GFM1: variants seen among roughly 807,000 people sequenced by gnomAD.
GFM1 encodes elongation factor G, mitochondrial.
GFM1 carries 62 observed loss-of-function variants against 96.2 expected under a neutral mutation model. The ratio of observed to expected loss-of-function variants is 0.64; its 90% CI spans 0.53 to 0.80. The LOEUF is 0.80. Ranked by LOEUF, GFM1 falls within the 30% of genes least tolerant of loss-of-function variation. GFM1 has a pLI of 0.00. For missense variants in GFM1, 852 were observed against 916.6 expected, an observed-to-expected ratio of 0.93 and a Z score of 0.91; for synonymous variants, 282 against 312.9, an observed-to-expected ratio of 0.90 and a Z score of 1.04.
chr3:158,684,368 T>G (rs1459442024), intron 14 of GFM1, among the ~76,000 whole-genome samples, 156 bp from the exon 15 acceptor site: 2 of 152,074 alleles, frequency 1.3e-5, no homozygotes, highest in African/African-American at 2.4e-5. Context: ...AAAAAAATAG[T>G]AAAGTTGTTA....
chr3:158,646,914 G>A lies in GFM1; in HGVS notation c.539G>A (p.Gly180Asp). The change falls in exon 4 of 18, where the codon GGC becomes GAC. Residue 180 changes from glycine to aspartate, a missense_variant. By Grantham distance (94) the Gly-to-Asp change is moderately conservative (BLOSUM62 -1). Coordinates refer to ENST00000486715, the MANE Select transcript of GFM1 (RefSeq NM_024996.7). ...LTFINKLDRM[G>D]SNPARALQQM... ...TTTATTAACAAATTGGACCGAATGG[G>A]CTCCAACCCAGCCAGGGCCCTGCAG... is the stretch of plus-strand genomic sequence containing the variant. 1 of 1,613,968 alleles carries A rather than the reference G, an allele frequency of 6.2e-7. No homozygotes were observed. The highest frequency in any genetic ancestry group is 8.5e-7 in the Non-Finnish European group (1 of 1,179,980).
chr3:158,685,152 C>T (rs1725737129), intron 15 of GFM1: 1 of 156,258 alleles, frequency 6.4e-6, no homozygotes, highest in South Asian at 1.9e-4. Context: ...AGATTTCTTG[C>T]AAAACTGCTA....
Position 158,691,795 on chromosome 3 carries a change from G to A in GFM1, c.*328G>A, listed in dbSNP as rs1218976904. The A allele has an allele frequency of 9.3e-6, 2 of 215,532 alleles. No individual in the cohort carries two copies. The highest frequency in any genetic ancestry group is 5.3e-5 in the Admixed American group (1 of 18,698). The allele number at this position is 215,532 out of a possible 1,614,324, so 13.4% of individuals were successfully genotyped here. A position where few individuals can be genotyped will look rare whatever the true frequency, so the allele number is the denominator to read the frequency against. On this transcript the variant is annotated 3_prime_UTR_variant, in exon 18 of 18. Transcript: ENST00000486715. The stretch of plus-strand genomic sequence containing the variant: ...TTATACTTTTAAGCTTAGAATGTAT[G>A]TTCATTTCCAAATTTTGTATCATAA...
At chr3:158,658,229 C>T (rs962847875) in intron 8 of GFM1, among the ~76,000 whole-genome samples, 1 of 133,634 alleles carries the variant, frequency 7.5e-6, no homozygotes. Flanking sequence ...TGCAGTGGTG[C>T]GATCTCGGCT....
intron 8 of GFM1, chr3:158,655,865 A>G (rs1261771460): frequency 2.2e-6 from 1 of 457,266 alleles, no homozygotes; most frequent in African/African-American, 2.0e-5. Context: ...GCCCATCCAG[A>G]GGACCACGTT....
chr3:158,665,399 A>G lies in GFM1; in HGVS notation c.1443A>G (p.Lys481=), dbSNP rs907335869. The G allele has an allele frequency of 1.2e-6, 2 of 1,609,958 alleles. No individual in the cohort carries two copies. The highest frequency in any genetic ancestry group is 3.3e-5 in the Admixed American group (2 of 60,004). ...GRFTREDPTF[K]VYFDTENKET... ...TTACAAGAGAAGATCCCACATTTAA[A>G]GTATACTTTGACACTGAGAACAAAG... The change falls in exon 12 of 18, where the codon AAA becomes AAG. Residue 481 remains lysine, a synonymous_variant. Coordinates refer to ENST00000486715, the MANE Select transcript of GFM1 (RefSeq NM_024996.7).
chr3:158,666,780 C>G, intron 13 of GFM1: 1 of 1,576,682 alleles, frequency 6.3e-7, no homozygotes, highest in Non-Finnish European at 8.7e-7. Flanking sequence ...TGATAAAATT[C>G]AGAAAACATT....
chr3:158,684,395 T>G (rs767696885), intron 14 of GFM1, 129 bp from the exon 15 acceptor site: 2 of 874,632 alleles, frequency 2.3e-6, no homozygotes, highest in Non-Finnish European at 3.6e-6. Context: ...TTTAAAAAAT[T>G]ATTTTTGAGG....
At chr3:158,672,524 G>A (rs1724441370) in intron 13 of GFM1, 1 of 1,609,440 alleles carries the variant, frequency 6.2e-7, no homozygotes, top group Admixed American at 1.7e-5. Context: ...CTGGCTTAAC[G>A]GGACCAGTAG....
intron 13 of GFM1, chr3:158,669,720 T>A: frequency 9.4e-7 from 1 of 1,059,038 alleles, no homozygotes; most frequent in Non-Finnish European, 1.4e-6. Flanking sequence ...TGTTTTAGAC[T>A]AGACTTCAAA....
chr3:158,654,458 T>G (rs1049324286), intron 7 of GFM1, 89 bp from the exon 8 acceptor site: 14 of 836,540 alleles, frequency 1.7e-5, no homozygotes, highest in Admixed American at 8.4e-5. Flanking sequence ...ACGTGCTTTT[T>G]CTCAGATAAT....
In GFM1 at chr3:158,682,161, A is replaced by C. The variant is rs773446271; in HGVS notation, c.1764+4A>C. ...GTTTGTGCCTGCTGTAGAAAAGGTA[A>C]ATTTTTAAAAAAGTGTTTTTGCATT... On this transcript the variant is annotated splice_donor_region_variant and intron_variant, in intron 14 of 17. Coordinates refer to ENST00000486715, the MANE Select transcript of GFM1 (RefSeq NM_024996.7). 6.2e-7 allele frequency: 1 copy of C among 1,610,816 alleles called. No homozygotes were observed. The highest frequency in any genetic ancestry group is 8.5e-7 in the Non-Finnish European group (1 of 1,178,004).
chr3:158,666,274 T>A (rs746941379), intron 12 of GFM1, 30 bp from the exon 13 acceptor site: 1 of 1,532,348 alleles, frequency 6.5e-7, no homozygotes, highest in Non-Finnish European at 9.0e-7. Flanking sequence ...TTTTTTTAAA[T>A]TTAAATAATA....
At chr3:158,670,382 ATGAT>A (rs1182663183) in intron 13 of GFM1, among the ~76,000 whole-genome samples, 1 of 152,276 alleles carries the variant, frequency 6.6e-6, no homozygotes, top group African/African-American at 2.4e-5. Context: ...CGTTAAGAAG[ATGAT>A]TGATTGGGGA....
intron 7 of GFM1, 52 bp downstream of exon 7, chr3:158,653,519 T>A: frequency 7.4e-7 from 1 of 1,343,190 alleles, no homozygotes; most frequent in East Asian, 2.3e-5. Context: ...TTCGTATTTA[T>A]GCACTGTGAA....
At chr3:158,680,744 A>G (rs1372657714) in intron 13 of GFM1, among the ~76,000 whole-genome samples, 2 of 152,134 alleles carry the variant, frequency 1.3e-5, no homozygotes, top group Non-Finnish European at 2.9e-5. Context: ...CAATCCATAT[A>G]AGGTGCTTAA....
chr3:158,667,880 C>T (rs1304537409), intron 13 of GFM1, among the ~76,000 whole-genome samples: 1 of 152,142 alleles, frequency 6.6e-6, no homozygotes, highest in African/African-American at 2.4e-5. Flanking sequence ...AAGCTTTTTT[C>T]TGTACTGTAC....
chr3:158,645,828 T>A, intron 2 of GFM1, 47 bp downstream of exon 2: 1 of 1,466,112 alleles, frequency 6.8e-7, no homozygotes, highest in Non-Finnish European at 9.6e-7. Context: ...CAGATTTTAA[T>A]TGTTTTGTTG....
rs930844305 is a variant in GFM1 at position 158,693,930 on chromosome 3, A to G, written c.*2463A>G. 6.6e-6 allele frequency among the ~76,000 whole-genome samples: 1 copy of G among 152,216 alleles called. No homozygotes were observed. Among genetic ancestry groups the G allele is most frequent in the Non-Finnish European group, 1.5e-5 (1 of 68,036 alleles). ...CCTGCACTGCGCTTAAGCCCAAGAC[A>G]TGAAATGAAAAATCTGTGAAATTCA... On this transcript the variant is annotated 3_prime_UTR_variant, in exon 18 of 18. Transcript: ENST00000486715.
Sources: gnomAD v4.1 joint callset for allele counts (sites outside exome capture counted in the v4.1 genomes callset) on GRCh38, gnomAD v4.1.1 for gene constraint, MANE v1.5 for transcripts, NCBI Gene and HGNC (gene_info 2026-07-23, HGNC 2026-07-21) for gene names.